CDK5RAP2: variants seen among roughly 807,000 people sequenced by gnomAD.
CDK5RAP2 encodes the protein CDK5 regulatory subunit associated protein 2, also known as CDK5 regulatory subunit-associated protein 2.
In CDK5RAP2, 147 loss-of-function variants were observed where a neutral mutation model predicts 232.9. That is an observed-to-expected ratio of 0.63 (90% CI 0.55 to 0.72). The LOEUF (loss-of-function observed/expected upper bound fraction) is 0.72, where lower values mean the gene tolerates loss of function less well. Ranked by LOEUF, CDK5RAP2 falls within the 30% of genes least tolerant of loss-of-function variation. The pLI is 0.00. For synonymous variants in CDK5RAP2, 833 were observed against 833.7 expected, an observed-to-expected ratio of 1.00 and a Z score of 0.01; for missense variants, 2,195 against 2,231.5, an observed-to-expected ratio of 0.98 and a Z score of 0.33.
intron 14 of CDK5RAP2, among the ~76,000 whole-genome samples, chr9:120,486,547 G>A (rs550381163): frequency 6.6e-6 from 1 of 152,158 alleles, no homozygotes; most frequent in South Asian, 2.1e-4. Context: ...CTGGGATTCG[G>A]AACATGTGCC....
chr9:120,455,390 A>G (rs2036709099), intron 20 of CDK5RAP2, among the ~76,000 whole-genome samples: 1 of 150,590 alleles, frequency 6.6e-6, no homozygotes, highest in African/African-American at 2.5e-5. Flanking sequence ...AAAAAAAAAA[A>G]CGAAGGCCAC....
At chr9:120,427,251 C>A (rs572192506) in intron 25 of CDK5RAP2, among the ~76,000 whole-genome samples, 16 of 152,252 alleles carry the variant, frequency 1.1e-4, no homozygotes, top group African/African-American at 3.6e-4. Context: ...CTAACAATAG[C>A]CAATGAGCTT....
At chr9:120,443,581 A>G (rs913455227) in intron 23 of CDK5RAP2, 39 bp downstream of exon 23, 1 of 1,611,654 alleles carries the variant, frequency 6.2e-7, no homozygotes, top group South Asian at 1.1e-5. Context: ...TGCCTGGCAC[A>G]TGGAAGCTGT....
At chr9:120,407,298 T>C in intron 31 of CDK5RAP2, 50 bp from the exon 32 acceptor site, 1 of 1,423,404 alleles carries the variant, frequency 7.0e-7, no homozygotes, top group Non-Finnish European at 9.9e-7. Flanking sequence ...AACCAAAGGG[T>C]CAGCCATCGA....
At chr9:120,435,107 A>G (rs1462483460) in intron 25 of CDK5RAP2, among the ~76,000 whole-genome samples, 1 of 152,248 alleles carries the variant, frequency 6.6e-6, no homozygotes, top group Non-Finnish European at 1.5e-5. Context: ...GTTTCAAATG[A>G]CTAACCCAAC....
intron 25 of CDK5RAP2, among the ~76,000 whole-genome samples, chr9:120,426,994 A>G (rs570190742): frequency 6.6e-6 from 1 of 152,210 alleles, no homozygotes; most frequent in East Asian, 1.9e-4. Context: ...ACTAGTTTTT[A>G]AGGTTTTGTT....
chr9:120,400,972 A>C (rs2032958702), intron 34 of CDK5RAP2, 87 bp from the exon 35 acceptor site: 5 of 1,456,094 alleles, frequency 3.4e-6, no homozygotes, highest in Non-Finnish European at 3.8e-6. Flanking sequence ...AAATCTCCAG[A>C]CTGTAGGGCT....
intron 11 of CDK5RAP2, among the ~76,000 whole-genome samples, chr9:120,524,145 A>G (rs1187453600): frequency 6.6e-6 from 1 of 152,218 alleles, no homozygotes; most frequent in African/African-American, 2.4e-5. Context: ...AAAAAAAAGG[A>G]TATTAATAGT....
rs189332124 is a variant in CDK5RAP2, at chr9:120,518,303, T to C, written c.1311+124A>G. 6.3e-5 allele frequency: 48 copies of C among 763,206 alleles called. No homozygotes were observed. In the South Asian group the frequency reaches 6.5e-4, roughly 10 times the overall value. The allele number at this position is 763,206 out of a possible 1,614,324, so 47.3% of individuals were successfully genotyped here. ...TCAAATGAAGCTGGTCATTTCTAGGTACTGAGATAATAAGTGAAATATTTT... is the reference window on the plus strand; with the variant it reads ...TCAAATGAAGCTGGTCATTTCTAGGCACTGAGATAATAAGTGAAATATTTT... On this transcript the variant is annotated intron_variant, in intron 12 of 37. Transcript: ENST00000349780.
At position 120,403,550 on chromosome 9, in the gene CDK5RAP2, C is replaced by A; in HGVS notation, c.5042-479G>T. On this transcript the variant is annotated intron_variant, in intron 33 of 37. Coordinates refer to ENST00000349780, the MANE Select transcript of CDK5RAP2 (RefSeq NM_018249.6). This position sits in a 1 kb window ranked among gnomAD's most constrained non-coding sequence, Gnocchi z 4.2. ...AGCAAGAATTACACGAATGATGAGT[C>A]ATTCTGACCAAGGACAGCAGCAAAG... 3.7e-6 allele frequency: 1 copy of A among 272,394 alleles called. No individual in the cohort carries two copies. The highest frequency in any genetic ancestry group is 7.1e-6 in the Non-Finnish European group (1 of 140,266). The allele number at this position is 272,394 out of a possible 1,614,324, so 16.9% of individuals were successfully genotyped here.
intron 12 of CDK5RAP2, among the ~76,000 whole-genome samples, chr9:120,504,515 T>C (rs2131735989): frequency 6.6e-6 from 1 of 152,324 alleles, no homozygotes; most frequent in South Asian, 2.1e-4. Flanking sequence ...CGCATCCCAC[T>C]GCCTCTGCCT....
chr9:120,440,194 G>A, intron 23 of CDK5RAP2: 1 of 586,304 alleles, frequency 1.7e-6, no homozygotes, highest in Non-Finnish European at 3.0e-6. Flanking sequence ...CCCCTCAGTT[G>A]TCCTCTTCCT....
At chr9:120,428,307 T>C (rs1451195990) in intron 25 of CDK5RAP2, among the ~76,000 whole-genome samples, 1 of 152,062 alleles carries the variant, frequency 6.6e-6, no homozygotes, top group African/African-American at 2.4e-5. Context: ...AAAAAATTAA[T>C]GAATCCAGGA....
chr9:120,452,590 G>C (rs1051043270), intron 21 of CDK5RAP2, among the ~76,000 whole-genome samples: 2 of 151,450 alleles, frequency 1.3e-5, no homozygotes, highest in African/African-American at 2.4e-5. Context: ...TCTTGGCCGT[G>C]GGGGGGTCAA....
chr9:120,390,000 T>A (rs547621153), intron 36 of CDK5RAP2: 3 of 584,408 alleles, frequency 5.1e-6, no homozygotes, highest in East Asian at 6.1e-5. Context: ...AACACCTCTT[T>A]GAGGCCCCGC....
chr9:120,421,480 C>T (rs2034564208), intron 26 of CDK5RAP2, among the ~76,000 whole-genome samples: 1 of 152,180 alleles, frequency 6.6e-6, no homozygotes, highest in African/African-American at 2.4e-5. Context: ...TACCTCTCTG[C>T]CCACTCGCTC....
Position 120,529,082 on chromosome 9 carries a change from C to T in CDK5RAP2, c.826-285G>A, listed in dbSNP as rs148662163. The stretch of plus-strand genomic sequence containing the variant: ...AAAGGCCTACTAGAGGGCCGTGTGG[C>T]GGAAGTGGGCAAGAGAGTTAAGAGG... On this transcript the variant is annotated intron_variant, in intron 8 of 37. Coordinates refer to ENST00000349780, the MANE Select transcript of CDK5RAP2 (RefSeq NM_018249.6). 3.6e-3 allele frequency among the ~76,000 whole-genome samples: 552 copies of T among 152,234 alleles called. 3 individuals carry two copies. The highest frequency in any genetic ancestry group is 0.012 in the African/African-American group (506 of 41,544).
At chr9:120,507,162 T>C (rs1437948665) in intron 12 of CDK5RAP2, among the ~76,000 whole-genome samples, 1 of 152,178 alleles carries the variant, frequency 6.6e-6, no homozygotes. Context: ...TCTGGCAGTA[T>C]TTTTAATTCA....
chr9:120,474,141 A>C (rs2037876137), intron 15 of CDK5RAP2, among the ~76,000 whole-genome samples: 1 of 152,158 alleles, frequency 6.6e-6, no homozygotes, highest in Admixed American at 6.5e-5. Flanking sequence ...TTGCTTTGCG[A>C]TTGTGTTGAG....
Sources: gnomAD v4.1 joint callset for allele counts (sites outside exome capture counted in the v4.1 genomes callset) on GRCh38, gnomAD v4.1.1 for gene constraint, Gnocchi (gnomAD v3.1) non-coding constraint, MANE v1.5 for transcripts, NCBI Gene and HGNC (gene_info 2026-07-23, HGNC 2026-07-21) for gene names.